The following KIF13B variants were observed in gnomAD, a reference collection of about 807,000 sequenced individuals.
KIF13B encodes kinesin family member 13B.
Under a neutral mutation model 222.0 loss-of-function variants are expected in KIF13B, and 127 were observed. The ratio of observed to expected loss-of-function variants is 0.57; its 90% confidence interval spans 0.50 to 0.66. The LOEUF (loss-of-function observed/expected upper bound fraction) is 0.66, where lower values mean the gene tolerates loss of function less well. Among genes scored for constraint, KIF13B ranks in the 30% least tolerant of loss-of-function variants. The pLI, the probability that KIF13B is intolerant of heterozygous loss-of-function variation, is 0.00. For missense variants in KIF13B, 2,173 were observed against 2,379.0 expected (o/e 0.91, Z 1.80); for synonymous variants, 976 against 919.0 (o/e 1.06, Z -1.12).
At chr8:29,161,008 T>C in intron 12 of KIF13B, 141 bp from the exon 13 acceptor site, 2 of 653,884 alleles carry the variant, frequency 3.1e-6, no homozygotes, top group Non-Finnish European at 4.8e-6. Context: ...TATAGATTTA[T>C]TGCATTTTTC....
Position 29,248,823 on chromosome 8 carries a change from T to C in KIF13B, c.56-3384A>G, listed in dbSNP as rs192440306. Among the ~76,000 whole-genome samples the C allele has an allele frequency of 3.5e-3, 532 of 152,300 alleles. 2 individuals are homozygous for C. Among genetic ancestry groups the C allele is most frequent in the Non-Finnish European group, 5.6e-3 (378 of 68,020 alleles). ...TGTATGATTCCACTTACTTGAAATA[T>C]CCAGAATAGGGAAATTTGTAGAGAC... On this transcript the variant is annotated intron_variant, in intron 1 of 39. Transcript: ENST00000524189.
chr8:29,197,637 G>T (rs1813502014), intron 2 of KIF13B, among the ~76,000 whole-genome samples: 2 of 152,018 alleles, frequency 1.3e-5, no homozygotes, highest in African/African-American at 4.8e-5. Context: ...AAACAGTCAT[G>T]GGTTCACGGT....
chr8:29,135,759 G>T (rs780302985), intron 21 of KIF13B, among the ~76,000 whole-genome samples: 8 of 152,118 alleles, frequency 5.3e-5, no homozygotes, highest in Admixed American at 2.6e-4. Context: ...GCCAGATGTG[G>T]TGGCACATGC....
At chr8:29,145,244 A>G (rs1158734018) in intron 18 of KIF13B, among the ~76,000 whole-genome samples, 1 of 152,252 alleles carries the variant, frequency 6.6e-6, no homozygotes, top group East Asian at 1.9e-4. Flanking sequence ...CATATTTACA[A>G]TACCTTTCTC....
At chr8:29,125,208 A>C (rs920292049) in intron 26 of KIF13B, among the ~76,000 whole-genome samples, 1 of 152,200 alleles carries the variant, frequency 6.6e-6, no homozygotes, top group African/African-American at 2.4e-5. Context: ...TTTGTGGGGC[A>C]ACAGGTAGGG....
intron 30 of KIF13B, 28 bp downstream of exon 30, chr8:29,118,840 T>C: frequency 6.2e-7 from 1 of 1,611,746 alleles, no homozygotes; most frequent in Middle Eastern, 1.7e-4. Flanking sequence ...ACTTTTCATC[T>C]GACCATCCCA....
intron 14 of KIF13B, among the ~76,000 whole-genome samples, chr8:29,154,148 A>C (rs972418952): frequency 8.5e-5 from 13 of 152,130 alleles, no homozygotes; most frequent in African/African-American, 3.1e-4. Flanking sequence ...CTGTATCTAC[A>C]AAACTAAGTT....
chr8:29,140,982 C>G (rs1810792837), intron 19 of KIF13B, among the ~76,000 whole-genome samples: 1 of 152,166 alleles, frequency 6.6e-6, no homozygotes, highest in South Asian at 2.1e-4. Flanking sequence ...CTTCACCTTT[C>G]TTTTGGGAAA....
intron 35 of KIF13B, 40 bp downstream of exon 35, chr8:29,108,099 T>C (rs1226416748): frequency 2.0e-6 from 3 of 1,533,404 alleles, no homozygotes; most frequent in Admixed American, 1.8e-5. Context: ...GAATGGGAAA[T>C]GGGACTTAAA....
intron 37 of KIF13B, among the ~76,000 whole-genome samples, chr8:29,087,109 T>C (rs977535877): frequency 6.6e-6 from 1 of 152,236 alleles, no homozygotes; most frequent in African/African-American, 2.4e-5. Context: ...ACACAGAGGA[T>C]GGCCCTGGCT....
chr8:29,180,039 G>A, intron 8 of KIF13B, 65 bp downstream of exon 8: 2 of 1,580,382 alleles, frequency 1.3e-6, no homozygotes, highest in Non-Finnish European at 8.7e-7. Flanking sequence ...CACCTGAAGA[G>A]GAAAAAAATA....
chr8:29,093,398 G>A (rs1053054797), intron 36 of KIF13B, among the ~76,000 whole-genome samples: 5 of 152,148 alleles, frequency 3.3e-5, no homozygotes, highest in Non-Finnish European at 4.4e-5. Flanking sequence ...AGGGAGAGAC[G>A]CCCTGAACAA....
intron 1 of KIF13B, among the ~76,000 whole-genome samples, chr8:29,260,710 G>A (rs1816649056): frequency 6.6e-6 from 1 of 151,816 alleles, no homozygotes; most frequent in Admixed American, 6.6e-5. Context: ...TCCGCCTCCT[G>A]GGTTCAGGCT....
At chr8:29,181,494 GAC>G (rs1357114627) in intron 7 of KIF13B, among the ~76,000 whole-genome samples, 1 of 152,046 alleles carries the variant, frequency 6.6e-6, no homozygotes, top group Admixed American at 6.5e-5. Context: ...AATCCTACCT[GAC>G]ACACATCATC....
At chr8:29,122,379 G>A (rs1809907254) in intron 29 of KIF13B, among the ~76,000 whole-genome samples, 1 of 152,222 alleles carries the variant, frequency 6.6e-6, no homozygotes, top group South Asian at 2.1e-4. Context: ...TGAGAGGTGA[G>A]GAGTATGGTG....
chr8:29,113,714 C>T (rs1447204680), intron 31 of KIF13B, among the ~76,000 whole-genome samples, 159 bp from the exon 32 acceptor site: 2 of 152,196 alleles, frequency 1.3e-5, no homozygotes, highest in South Asian at 2.1e-4. Context: ...GTTTCTTCAT[C>T]GTTGTCCTAT....
At chr8:29,247,508 A>C (rs2130660572) in intron 1 of KIF13B, among the ~76,000 whole-genome samples, 1 of 152,320 alleles carries the variant, frequency 6.6e-6, no homozygotes, top group South Asian at 2.1e-4. Flanking sequence ...ATCACAATAT[A>C]TAAAGAACCC....
rs1812329289 is a variant in KIF13B at position 29,173,302 on chromosome 8, G to A, written c.945+2766C>T. Among the ~76,000 whole-genome samples, 3 of 151,738 alleles carry A rather than the reference G, an allele frequency of 2.0e-5. No individual in the cohort carries two copies. The South Asian group carries it at 6.3e-4, about 32-fold the overall frequency. On this transcript the variant is annotated intron_variant, in intron 10 of 39. Transcript: ENST00000524189. ...TGATCAGGAAATGTTTCTATGGAAA[G>A]TTTGAAGAAGAAGTATCTTATCAAG...
intron 36 of KIF13B, among the ~76,000 whole-genome samples, chr8:29,094,970 T>C (rs1452827253): frequency 6.5e-5 from 9 of 137,792 alleles, no homozygotes; most frequent in Non-Finnish European, 1.1e-4. Flanking sequence ...ATAAAAAGAT[T>C]AAAAAAAAAA....
Sources: gnomAD v4.1 joint callset for allele counts (sites outside exome capture counted in the v4.1 genomes callset) on GRCh38, gnomAD v4.1.1 for gene constraint, MANE v1.5 for transcripts, NCBI Gene and HGNC (gene_info 2026-07-23, HGNC 2026-07-21) for gene names.